Variants in ATP9B observed in about 807,000 individuals in gnomAD.
ATP9B encodes the protein ATPase phospholipid transporting 9B.
ATP9B carries 110 observed loss-of-function variants against 146.1 expected under a neutral mutation model. The observed-to-expected ratio is 0.75, with a 90% CI of 0.65 to 0.88. ATP9B has a LOEUF of 0.88. ATP9B is among the 40% of genes least tolerant of loss of function. The probability of loss-of-function intolerance (pLI) is 0.00; values close to 1 mark genes in which losing one functional copy is unlikely to be tolerated. For synonymous variants in ATP9B, 604 were observed against 569.7 expected, an observed-to-expected ratio of 1.06 and a Z score of -0.86; for missense variants, 1,499 against 1,496.4, an observed-to-expected ratio of 1.00 and a Z score of -0.03.
At chr18:79,156,799 C>A (rs1190411376) in intron 7 of ATP9B, among the ~76,000 whole-genome samples, 1 of 152,082 alleles carries the variant, frequency 6.6e-6, no homozygotes, top group Non-Finnish European at 1.5e-5. Context: ...TGTAATGAGA[C>A]CATTTAGGTG....
intron 5 of ATP9B, among the ~76,000 whole-genome samples, chr18:79,139,296 G>T (rs2094485516): frequency 6.6e-6 from 1 of 152,080 alleles, no homozygotes; most frequent in Non-Finnish European, 1.5e-5. Context: ...CCAGTAATGT[G>T]GTCATTTATT....
At position 79,079,969 on chromosome 18, in the gene ATP9B, T is replaced by C. The variant is rs138264540; in HGVS notation, c.119+10440T>C. The stretch of plus-strand genomic sequence containing the variant: ...ATCAGATGGTTTTCGATGTGTGGCG[T>C]TATTTCTGAGGCCTCTTTTCTGTTA... On this transcript the variant is annotated intron_variant, in intron 1 of 29. Coordinates refer to ENST00000426216, the MANE Select transcript of ATP9B (RefSeq NM_198531.5). Among the ~76,000 whole-genome samples the C allele has an allele frequency of 2.8e-3, 428 of 152,312 alleles. 6 individuals carry two copies. Among genetic ancestry groups the C allele is most frequent in the African/African-American group, 9.6e-3 (400 of 41,568 alleles).
intron 11 of ATP9B, among the ~76,000 whole-genome samples, chr18:79,240,870 A>G (rs1015272548): frequency 4.6e-5 from 7 of 152,208 alleles, no homozygotes; most frequent in African/African-American, 1.7e-4. Context: ...CGGGCCAAGG[A>G]TGCAGAACTG....
At chr18:79,109,760 T>G (rs1391345726) in intron 2 of ATP9B, among the ~76,000 whole-genome samples, 3 of 152,038 alleles carry the variant, frequency 2.0e-5, no homozygotes. Flanking sequence ...GAGACGGGGT[T>G]TTACCACATT....
chr18:79,201,156 A>G (rs2095484032), intron 9 of ATP9B, among the ~76,000 whole-genome samples: 1 of 152,252 alleles, frequency 6.6e-6, no homozygotes, highest in Non-Finnish European at 1.5e-5. Context: ...ATTCACACAG[A>G]TAGCCTTTCA....
intron 5 of ATP9B, among the ~76,000 whole-genome samples, chr18:79,130,927 G>A (rs530171961): frequency 3.5e-4 from 54 of 152,326 alleles, no homozygotes; most frequent in African/African-American, 1.2e-3. Context: ...TTGGGAGGCC[G>A]AGGCAGGTGG....
intron 8 of ATP9B, among the ~76,000 whole-genome samples, chr18:79,190,053 G>A (rs2095348991): frequency 6.6e-6 from 1 of 152,194 alleles, no homozygotes; most frequent in Non-Finnish European, 1.5e-5. Context: ...AGCAGCAGCA[G>A]GAGGGGCTGC....
At chr18:79,368,345 C>T (rs1253909433) in intron 26 of ATP9B, among the ~76,000 whole-genome samples, 1 of 152,182 alleles carries the variant, frequency 6.6e-6, no homozygotes, top group Non-Finnish European at 1.5e-5. Context: ...GAGCTGTGAT[C>T]GCACCACTGC....
chr18:79,333,151 G>C lies in ATP9B; in HGVS notation c.2028+3047G>C, dbSNP rs529285449. Among the ~76,000 whole-genome samples, 123 of 152,316 alleles carry C rather than the reference G, an allele frequency of 8.1e-4. 1 individual carries two copies. The highest frequency in any genetic ancestry group is 2.8e-3 in the African/African-American group (115 of 41,574). On this transcript the variant is annotated intron_variant, in intron 17 of 29. Coordinates refer to ENST00000426216, the MANE Select transcript of ATP9B (RefSeq NM_198531.5). ...GGTGACAGGGTCTCTGCGCGTGCCT[G>C]GGGGGCCGTGATGTGTTTCCAAATG...
chr18:79,175,310 A>AT (rs778929164), intron 7 of ATP9B, among the ~76,000 whole-genome samples: 9 of 150,470 alleles, frequency 6.0e-5, no homozygotes, highest in Non-Finnish European at 1.2e-4. Context: ...GCTGCTTTTT[A>AT]TTTTTTAGGA....
chr18:79,229,642 A>G (rs1375872955), intron 11 of ATP9B, among the ~76,000 whole-genome samples: 1 of 152,218 alleles, frequency 6.6e-6, no homozygotes, highest in African/African-American at 2.4e-5. Flanking sequence ...CTGTCTTCAC[A>G]GACACGTCAG....
chr18:79,158,541 C>T (rs538694981), intron 7 of ATP9B, among the ~76,000 whole-genome samples: 2 of 152,296 alleles, frequency 1.3e-5, no homozygotes, highest in Admixed American at 1.3e-4. Flanking sequence ...GATCCTCCCA[C>T]CTTAGCCTCC....
At chr18:79,226,974 T>G (rs1204873940) in intron 11 of ATP9B, among the ~76,000 whole-genome samples, 1 of 152,186 alleles carries the variant, frequency 6.6e-6, no homozygotes, top group African/African-American at 2.4e-5. Flanking sequence ...CACCATATAC[T>G]AGGCACTGAC....
At chr18:79,350,348 CT>C (rs1325302846) in intron 25 of ATP9B, among the ~76,000 whole-genome samples, 1 of 152,260 alleles carries the variant, frequency 6.6e-6, no homozygotes, top group African/African-American at 2.4e-5. Flanking sequence ...TTTTAGGCCC[CT>C]GCCTGCTGTA....
intron 4 of ATP9B, among the ~76,000 whole-genome samples, chr18:79,125,539 A>G (rs1027281522): frequency 6.6e-6 from 1 of 152,218 alleles, no homozygotes; most frequent in Non-Finnish European, 1.5e-5. Context: ...TGTTATTTAC[A>G]GTTTTGACTG....
At chr18:79,376,214 C>CACACACACACACACACACAAAA in intron 29 of ATP9B, 103 of 884,826 alleles carry the variant, frequency 1.2e-4, no homozygotes, top group Admixed American at 8.7e-4. Flanking sequence ...CACACACACA[C>CACACACACACACACACACAAAA]AAAACAAAAC....
chr18:79,117,099 A>G (rs2094097855), intron 4 of ATP9B: 1 of 152,192 alleles, frequency 6.6e-6, no homozygotes, highest in South Asian at 2.1e-4. Context: ...GTGTTTAGGA[A>G]AAGTGTTTAA....
Position 79,346,093 on chromosome 18 carries a change from C to T in ATP9B, c.2682+254C>T, listed in dbSNP as rs185222680. Among the ~76,000 whole-genome samples, 366 of 151,724 alleles carry T rather than the reference C, an allele frequency of 2.4e-3. 1 individual carries two copies. Among genetic ancestry groups the T allele is most frequent in the South Asian group, 6.5e-3 (31 of 4,804 alleles). ...CAGCACATGCTCAGCGCACAGCACA[C>T]ACTCGGCACACGGTCATCACACGTC... On this transcript the variant is annotated intron_variant, in intron 23 of 29. Transcript: ENST00000426216.
chr18:79,246,287 G>A (rs2095960320), intron 11 of ATP9B, among the ~76,000 whole-genome samples: 1 of 79,202 alleles, frequency 1.3e-5, no homozygotes, highest in Non-Finnish European at 2.3e-5. Flanking sequence ...CCGCCCTACT[G>A]TCTGTGCGGA....
Sources: allele counts gnomAD v4.1 joint callset (sites outside exome capture counted in the v4.1 genomes callset), GRCh38; gene constraint gnomAD v4.1.1; transcripts MANE v1.5; gene names NCBI Gene and HGNC (gene_info 2026-07-23, HGNC 2026-07-21).